The following BTBD7 variants were observed in gnomAD, a reference collection of about 807,000 sequenced individuals.
The protein encoded by BTBD7 is BTB/POZ domain-containing protein 7.
BTBD7 carries 38 observed loss-of-function variants against 99.9 expected under a neutral mutation model. The observed-to-expected ratio is 0.38, with a 90% CI of 0.29 to 0.50. The LOEUF (loss-of-function observed/expected upper bound fraction) is 0.50. Among genes scored for constraint, BTBD7 ranks in the 20% least tolerant of loss-of-function variants. The pLI, the probability that BTBD7 is intolerant of heterozygous loss-of-function variation, is 0.93. For missense variants in BTBD7, 1,170 were observed against 1,394.6 expected, an observed-to-expected ratio of 0.84 and a Z score of 2.57; for synonymous variants, 520 against 511.4, an observed-to-expected ratio of 1.02 and a Z score of -0.23.
At chr14:93,275,700 G>A (rs1265288711) in intron 3 of BTBD7, among the ~76,000 whole-genome samples, 1 of 152,170 alleles carries the variant, frequency 6.6e-6, no homozygotes, top group East Asian at 1.9e-4. Context: ...CTATGAATCT[G>A]TACAGTGTGT....
intron 3 of BTBD7, among the ~76,000 whole-genome samples, chr14:93,265,432 A>G (rs2052530928): frequency 6.6e-6 from 1 of 152,242 alleles, no homozygotes; most frequent in South Asian, 2.1e-4. Flanking sequence ...GCTATCTTCA[A>G]TGTATTCCTA....
chr14:93,243,770 T>C (rs1393093291), intron 10 of BTBD7, among the ~76,000 whole-genome samples: 1 of 152,228 alleles, frequency 6.6e-6, no homozygotes, highest in African/African-American at 2.4e-5. Flanking sequence ...TTTTTCATTA[T>C]TATAGTCAAG....
rs1477102558 is a variant in BTBD7, at chr14:93,269,503, T to C, written c.1163-5510A>G. Among the ~76,000 whole-genome samples the C allele has an allele frequency of 2.6e-5, 4 of 152,280 alleles. No homozygotes were observed. The East Asian group carries it at 7.7e-4, about 29-fold the overall frequency. ...GATCCTAACACAAACCCATGACACA[T>C]GCGTAGATCAGAATGCTTACTCATG... On this transcript the variant is annotated intron_variant, in intron 3 of 10. Coordinates refer to ENST00000334746, the MANE Select transcript of BTBD7 (RefSeq NM_001002860.4).
At chr14:93,299,097 T>C (rs2052963348) in intron 1 of BTBD7, among the ~76,000 whole-genome samples, 1 of 152,106 alleles carries the variant, frequency 6.6e-6, no homozygotes, top group Admixed American at 6.6e-5. Flanking sequence ...ACACAGACCT[T>C]GGAAGGGAAG....
intron 5 of BTBD7, among the ~76,000 whole-genome samples, chr14:93,258,213 G>GTA (rs958403609): frequency 9.2e-5 from 14 of 151,998 alleles, no homozygotes; most frequent in African/African-American, 2.9e-4. Context: ...GTGTGTGTGT[G>GTA]TGTGTGTATG....
Position 93,307,210 on chromosome 14 carries a change from G to T in BTBD7, c.-106-11053C>A, listed in dbSNP as rs117552910. 3.9e-5 allele frequency among the ~76,000 whole-genome samples: 6 copies of T among 152,270 alleles called. No individual in the cohort carries two copies. In the East Asian group the frequency reaches 9.6e-4, roughly 24 times the overall value. ...AGAGTCTCACTGTGTTGCTCAGGCT[G>T]AAGTGCAGTGGCACAATCATAGCTC... On this transcript the variant is annotated intron_variant, in intron 1 of 10. Transcript: ENST00000334746.
chr14:93,327,639 A>C (rs1239643466), intron 1 of BTBD7, among the ~76,000 whole-genome samples: 16 of 152,202 alleles, frequency 1.1e-4, no homozygotes. Context: ...GAACATAATC[A>C]AGGTCTTATA....
At chr14:93,249,291 A>T (rs1055656685) in intron 8 of BTBD7, among the ~76,000 whole-genome samples, 1 of 138,770 alleles carries the variant, frequency 7.2e-6, no homozygotes, top group African/African-American at 2.7e-5. Flanking sequence ...AAAAAAAAAA[A>T]GCTGTCTCAG....
intron 3 of BTBD7, among the ~76,000 whole-genome samples, chr14:93,292,419 T>G (rs1235189128): frequency 2.0e-5 from 3 of 152,198 alleles, no homozygotes; most frequent in Non-Finnish European, 2.9e-5. Flanking sequence ...AACATATTTT[T>G]CCTACAGTTT....
intron 1 of BTBD7, among the ~76,000 whole-genome samples, chr14:93,298,025 C>T (rs1430817867): frequency 6.6e-6 from 1 of 151,830 alleles, no homozygotes; most frequent in Non-Finnish European, 1.5e-5. Context: ...CCTCTTTGCA[C>T]TTTCAAGTTC....
intron 5 of BTBD7, 71 bp downstream of exon 5, chr14:93,261,531 C>T: frequency 8.7e-7 from 1 of 1,144,082 alleles, no homozygotes; most frequent in South Asian, 1.3e-5. Flanking sequence ...TGATGTGCGG[C>T]ATGCATTTCT....
intron 1 of BTBD7, among the ~76,000 whole-genome samples, chr14:93,329,340 G>A (rs1566869330): frequency 2.6e-5 from 4 of 151,990 alleles, no homozygotes; most frequent in African/African-American, 9.7e-5. Context: ...TACTCATCAG[G>A]ATGAATATTA....
intron 1 of BTBD7, among the ~76,000 whole-genome samples, chr14:93,303,165 A>C (rs1449433849): frequency 6.6e-6 from 1 of 152,220 alleles, no homozygotes; most frequent in Non-Finnish European, 1.5e-5. Flanking sequence ...CTTGATCTAT[A>C]AAAAGATCTT....
chr14:93,295,101 T>C (rs1430831217), intron 2 of BTBD7, among the ~76,000 whole-genome samples, 164 bp from the exon 3 acceptor site: 1 of 152,188 alleles, frequency 6.6e-6, no homozygotes, highest in Non-Finnish European at 1.5e-5. Flanking sequence ...TAACTCATTT[T>C]AGTTTTCAAT....
chr14:93,258,200 CGT>C (rs144474216), intron 5 of BTBD7, among the ~76,000 whole-genome samples: 59 of 146,436 alleles, frequency 4.0e-4, no homozygotes, highest in Non-Finnish European at 5.0e-4. Context: ...TTCCTTAAAT[CGT>C]GTGTGTGTGT....
chr14:93,298,012 A>G (rs1376988301), intron 1 of BTBD7, among the ~76,000 whole-genome samples: 1 of 152,172 alleles, frequency 6.6e-6, no homozygotes, highest in Admixed American at 6.5e-5. Flanking sequence ...TCCTATGGCT[A>G]GGCCTCTTTG....
At chr14:93,252,897 C>T (rs2052384993) in intron 7 of BTBD7, among the ~76,000 whole-genome samples, 1 of 152,060 alleles carries the variant, frequency 6.6e-6, no homozygotes, top group African/African-American at 2.4e-5. Flanking sequence ...TCACGGCTCA[C>T]TGTGCAGCCT....
intron 3 of BTBD7, among the ~76,000 whole-genome samples, chr14:93,265,247 T>C (rs1206224804): frequency 2.6e-5 from 4 of 152,226 alleles, no homozygotes; most frequent in Admixed American, 1.3e-4. Context: ...TTTCAAGTGA[T>C]AGAAGATAAT....
chr14:93,246,260 T>C lies in BTBD7; in HGVS notation c.2148A>G (p.Glu716=), dbSNP rs2052308683. 1 of 1,511,026 alleles carries C rather than the reference T, an allele frequency of 6.6e-7. No individual in the cohort carries two copies. Among genetic ancestry groups the C allele is most frequent in the African/African-American group, 1.4e-5 (1 of 70,932 alleles). 93.6% of individuals were successfully genotyped at this position (1,511,026 alleles called of 1,614,324 possible). A position where few individuals can be genotyped will look rare whatever the true frequency, so the allele number is the denominator to read the frequency against. Residue 716 remains glutamate, a synonymous_variant, in exon 10 of 11, where the codon GAA becomes GAG. Transcript: ENST00000334746. ...LQNPHKFFPD[E]RFGDESPLLT... ...AGAGTGGACTTTCATCCCCAAAACG[T>C]TCATCAGGAAAGAATTTGTGAGGAT...
Sources: allele counts gnomAD v4.1 joint callset (sites outside exome capture counted in the v4.1 genomes callset), GRCh38; gene constraint gnomAD v4.1.1; transcripts MANE v1.5; gene names NCBI Gene and HGNC (gene_info 2026-07-23, HGNC 2026-07-21).